Variants in ZNF140 observed in about 807,000 individuals in gnomAD.
The protein encoded by ZNF140 is zinc finger protein 140.
ZNF140 carries 13 observed loss-of-function variants against 12.9 expected under a neutral mutation model. The ratio of observed to expected loss-of-function variants is 1.01; its 90% CI spans 0.66 to 1.60. The LOEUF is 1.60. ZNF140 is among the 40% of genes most tolerant of loss of function. ZNF140 has a pLI of 0.00. For missense variants in ZNF140, 531 were observed against 548.8 expected, an observed-to-expected ratio of 0.97 and a Z score of 0.32; for synonymous variants, 214 against 186.7, an observed-to-expected ratio of 1.15 and a Z score of -1.19.
intron 4 of ZNF140, among the ~76,000 whole-genome samples, chr12:133,084,484 C>T (rs750987486): frequency 1.8e-3 from 278 of 152,258 alleles, no homozygotes; most frequent in Admixed American, 3.1e-3. Context: ...AAATAGCTTG[C>T]ATTAGATATC....
chr12:133,081,912 T>C (rs2137475333), intron 2 of ZNF140: 2 of 165,882 alleles, frequency 1.2e-5, no homozygotes, highest in East Asian at 1.9e-4. Flanking sequence ...TCTTGAGTCC[T>C]ACCCCAGACC....
intron 4 of ZNF140, among the ~76,000 whole-genome samples, chr12:133,090,748 G>A (rs944136526): frequency 3.4e-5 from 5 of 147,180 alleles, no homozygotes; most frequent in Admixed American, 6.9e-5. Flanking sequence ...AAAAAGGAAT[G>A]TAGTAGGAGA....
At position 133,106,473 on chromosome 12, in the gene ZNF140, C is replaced by T. The variant is rs1262261634; in HGVS notation, c.1196C>T (p.Ser399Phe). The T allele has an allele frequency of 6.2e-7, 1 of 1,613,826 alleles. No individual in the cohort carries two copies. Among genetic ancestry groups the T allele is most frequent in the African/African-American group, 1.3e-5 (1 of 74,848 alleles). The change falls in exon 5 of 5, where the codon TCC (serine) becomes TTC (phenylalanine). Residue 399 changes from serine (S) to phenylalanine (F), a missense_variant. By Grantham distance (155) the Ser-to-Phe change is radical. Transcript: ENST00000355557. ...ECDKAFSRSF[S>F]LILHQRTHTG... is the part of the protein sequence containing the mutation. ...GATAAAGCCTTCAGCCGGAGCTTTTCCCTCATTCTACATCAGAGAACTCAT... is the reference window on the plus strand; with the variant it reads ...GATAAAGCCTTCAGCCGGAGCTTTTTCCTCATTCTACATCAGAGAACTCAT...
At chr12:133,104,352 C>A (rs1249936069) in intron 4 of ZNF140, among the ~76,000 whole-genome samples, 1 of 114,536 alleles carries the variant, frequency 8.7e-6, no homozygotes, top group African/African-American at 4.0e-5. Flanking sequence ...CCTAAAGATA[C>A]AATTTTTTTT....
intron 4 of ZNF140, among the ~76,000 whole-genome samples, chr12:133,095,928 A>G (rs1417260653): frequency 2.6e-5 from 4 of 151,828 alleles, no homozygotes; most frequent in Non-Finnish European, 4.4e-5. Context: ...ACAAATGTAC[A>G]ATCGGGTTTT....
intron 2 of ZNF140, 77 bp downstream of exon 2, chr12:133,081,406 C>A: frequency 4.6e-6 from 1 of 215,498 alleles, no homozygotes; most frequent in South Asian, 5.2e-5. Flanking sequence ...GAGACAGGGT[C>A]TCCTCCTGTC....
At position 133,105,919 on chromosome 12, in the gene ZNF140, G is replaced by T. The variant is rs1200275086; in HGVS notation, c.642G>T (p.Lys214Asn). ...LVKHQMIHTG[K>N]KPHECKDCNK... ...AACACCAAATGATACATACTGGAAA[G>T]AAACCCCATGAGTGTAAGGACTGTA... is the stretch of plus-strand genomic sequence containing the variant. Residue 214 changes from lysine (K) to asparagine (N), a missense_variant, in exon 5 of 5, where the codon AAG becomes AAT. Lys to Asn is a moderately conservative substitution (Grantham distance 94, BLOSUM62 0). Coordinates refer to ENST00000355557, the MANE Select transcript of ZNF140 (RefSeq NM_003440.4). 6.2e-7 allele frequency: 1 copy of T among 1,614,034 alleles called. No homozygotes were observed. The highest frequency in any genetic ancestry group is 8.5e-7 in the Non-Finnish European group (1 of 1,180,028).
At chr12:133,094,004 C>T (rs1242522044) in intron 4 of ZNF140, among the ~76,000 whole-genome samples, 1 of 150,914 alleles carries the variant, frequency 6.6e-6, no homozygotes, top group Non-Finnish European at 1.5e-5. Flanking sequence ...TCTTTTTCTC[C>T]CCAGTTTTAC....
rs1954561069 is a variant in ZNF140, at chr12:133,083,180, T to C, written c.87T>C (p.Asp29=). ...AATGGCTTCAGCCTGCTCAAAGAGA[T>C]TTGTACAGATGTGTAATGTTGGAGA... is the stretch of plus-strand genomic sequence containing the variant. The part of the protein sequence containing the change: ...EWKWLQPAQR[D]LYRCVMLENY... Residue 29 remains aspartate (D), a synonymous_variant, in exon 3 of 5, where the codon GAT becomes GAC. Coordinates refer to ENST00000355557, the MANE Select transcript of ZNF140 (RefSeq NM_003440.4). 1.9e-6 allele frequency: 3 copies of C among 1,614,082 alleles called. No individual in the cohort carries two copies.
At chr12:133,096,016 T>A (rs1362667327) in intron 4 of ZNF140, among the ~76,000 whole-genome samples, 2 of 150,968 alleles carry the variant, frequency 1.3e-5, no homozygotes, top group Non-Finnish European at 1.5e-5. Flanking sequence ...GGCTTTCCTC[T>A]TTTACCAATC....
At chr12:133,088,170 A>AAGG (rs1954741213) in intron 4 of ZNF140, among the ~76,000 whole-genome samples, 1 of 151,350 alleles carries the variant, frequency 6.6e-6, no homozygotes, top group South Asian at 2.1e-4. Context: ...AGAAGGGAGG[A>AAGG]AGGAAGGAAG....
chr12:133,092,834 T>G (rs1208833561), intron 4 of ZNF140, among the ~76,000 whole-genome samples: 1 of 151,158 alleles, frequency 6.6e-6, no homozygotes, highest in Non-Finnish European at 1.5e-5. Flanking sequence ...AGTTCCAAAT[T>G]TATTGTTTTG....
chr12:133,085,091 C>G (rs1954632503), intron 4 of ZNF140, among the ~76,000 whole-genome samples: 1 of 151,480 alleles, frequency 6.6e-6, no homozygotes. Flanking sequence ...ATGGCGCGAT[C>G]TCAGCTTACT....
intron 4 of ZNF140, among the ~76,000 whole-genome samples, chr12:133,096,745 T>G (rs1203821975): frequency 6.6e-6 from 1 of 152,242 alleles, no homozygotes; most frequent in Admixed American, 6.5e-5. Context: ...TATTATATGA[T>G]TTCTATTCTT....
Position 133,091,062 on chromosome 12 carries a change from A to G in ZNF140, c.232+7501A>G, listed in dbSNP as rs1045805977. On this transcript the variant is annotated intron_variant, in intron 4 of 4. Coordinates refer to ENST00000355557, the MANE Select transcript of ZNF140 (RefSeq NM_003440.4). ...GAGACAGTGGCCTTCCTCTATCTCAACTGCAAGAGGCTTTCCTCTTTTACT... is the reference window on the plus strand; with the variant it reads ...GAGACAGTGGCCTTCCTCTATCTCAGCTGCAAGAGGCTTTCCTCTTTTACT... 5.4e-5 allele frequency among the ~76,000 whole-genome samples: 8 copies of G among 148,892 alleles called. No homozygotes were observed. The South Asian group carries it at 8.7e-4, about 16-fold the overall frequency.
chr12:133,083,382 A>G, intron 3 of ZNF140, 84 bp from the exon 4 acceptor site: 1 of 1,524,742 alleles, frequency 6.6e-7, no homozygotes, highest in East Asian at 2.3e-5. Flanking sequence ...TAGACATTTT[A>G]AAAACTTACA....
At chr12:133,087,848 C>T (rs971135137) in intron 4 of ZNF140, among the ~76,000 whole-genome samples, 84 of 151,974 alleles carry the variant, frequency 5.5e-4, no homozygotes, top group African/African-American at 1.9e-3. Context: ...ACAAATAATA[C>T]GGCTGAGTGT....
At chr12:133,092,324 A>G (rs1409116435) in intron 4 of ZNF140, among the ~76,000 whole-genome samples, 2 of 151,088 alleles carry the variant, frequency 1.3e-5, no homozygotes, top group African/African-American at 4.9e-5. Context: ...CCTCACTAAC[A>G]GAATACGATG....
At chr12:133,090,254 C>G (rs903946998) in intron 4 of ZNF140, among the ~76,000 whole-genome samples, 3 of 152,162 alleles carry the variant, frequency 2.0e-5, no homozygotes, top group African/African-American at 7.2e-5. Flanking sequence ...TTCCTCCTGC[C>G]TTAGCTTCCA....
Sources: gnomAD v4.1 joint callset for allele counts (sites outside exome capture counted in the v4.1 genomes callset) on GRCh38, gnomAD v4.1.1 for gene constraint, MANE v1.5 for transcripts, NCBI Gene and HGNC (gene_info 2026-07-23, HGNC 2026-07-21) for gene names.